MLXIPL: variants seen among roughly 807,000 people sequenced by gnomAD.
MLXIPL encodes MLX interacting protein like.
MLXIPL carries 49 observed loss-of-function variants against 81.5 expected under a neutral mutation model. The observed-to-expected ratio is 0.60, with a 90% confidence interval of 0.48 to 0.76. The LOEUF (loss-of-function observed/expected upper bound fraction) is 0.76. Among genes scored for constraint, MLXIPL ranks in the 30% least tolerant of loss-of-function variants. The pLI is 0.00. For synonymous variants in MLXIPL, 466 were observed against 485.5 expected (o/e 0.96, Z 0.53); for missense variants, 1,053 against 1,167.0 (o/e 0.90, Z 1.42).
At chr7:73,635,589 A>G in the MLXIPL span, among the ~76,000 whole-genome samples, 2 of 149,776 alleles carry the variant, frequency 1.3e-5, no homozygotes, top group African/African-American at 4.9e-5. Flanking sequence ...CCATCAGTCC[A>G]TCTCTTCTAT....
rs368160426 is a variant in MLXIPL, at chr7:73,596,331, C to G, written c.1938+33G>C. On this transcript the variant is annotated intron_variant, in intron 12 of 16. Coordinates refer to ENST00000313375, the MANE Select transcript of MLXIPL (RefSeq NM_032951.3). This position sits in a 1 kb window ranked among gnomAD's most constrained non-coding sequence, Gnocchi z 4.7. ...GGAGCCCAGGAGGGCCTGGGGGTAG[C>G]AAACCGATCTTGGGGTGGGGGATGG... 3.9e-5 allele frequency: 63 copies of G among 1,597,370 alleles called. No individual in the cohort carries two copies. Among genetic ancestry groups the G allele is most frequent in the Non-Finnish European group, 5.1e-5 (60 of 1,175,542 alleles).
chr7:73,631,558 C>CTTTTTTTTTTTTTT, the MLXIPL span, among the ~76,000 whole-genome samples: 76 of 69,668 alleles, frequency 1.1e-3, 11 homozygotes, highest in African/African-American at 2.9e-3. Context: ...GATGTTGCTA[C>CTTTTTTTTTTTTTT]TTTTTTTTTT....
At position 73,607,355 on chromosome 7, in the gene MLXIPL, C is replaced by T. The variant is rs782204923; in HGVS notation, c.549G>A (p.Lys183=). Residue 183 remains lysine (K), a synonymous_variant, in exon 4 of 17, where the codon AAG becomes AAA. Coordinates refer to ENST00000313375, the MANE Select transcript of MLXIPL (RefSeq NM_032951.3). ...CCCGCTTCTTGTAGTAGATGCGCCA[C>T]TTGTGGTATTCCCGCATCACCACCT... ...RIEVVMREYH[K]WRIYYKKRLR... is the part of the protein sequence containing the mutation. 5.1e-6 allele frequency: 8 copies of T among 1,567,240 alleles called. No individual in the cohort carries two copies. The East Asian group carries it at 9.4e-5, about 18-fold the overall frequency.
At chr7:73,605,343 G>C (rs1478784101) in intron 7 of MLXIPL, among the ~76,000 whole-genome samples, 1 of 152,018 alleles carries the variant, frequency 6.6e-6, no homozygotes, top group Non-Finnish European at 1.5e-5. Flanking sequence ...AGGATGGCTT[G>C]AGCTCAGGAG....
At chr7:73,637,760 C>T in the MLXIPL span, among the ~76,000 whole-genome samples, 1 of 152,172 alleles carries the variant, frequency 6.6e-6, no homozygotes, top group East Asian at 1.9e-4. Flanking sequence ...CTAGGCTGAG[C>T]TGGGGTGTGG....
chr7:73,633,887 G>C, the MLXIPL span, among the ~76,000 whole-genome samples: 7 of 152,220 alleles, frequency 4.6e-5, no homozygotes, highest in Admixed American at 2.0e-4. Context: ...ACTGTGGCTA[G>C]GGGTAGATTG....
chr7:73,607,936 A>G (rs1554598906), intron 2 of MLXIPL, among the ~76,000 whole-genome samples: 3 of 141,584 alleles, frequency 2.1e-5, no homozygotes, highest in South Asian at 4.4e-4. Context: ...GGCTCACTGC[A>G]ACCTCCACCT....
At chr7:73,601,949 T>C (rs1047814012) in intron 7 of MLXIPL, among the ~76,000 whole-genome samples, 1 of 152,102 alleles carries the variant, frequency 6.6e-6, no homozygotes, top group Admixed American at 6.6e-5. Flanking sequence ...CCTCTGGGTG[T>C]CTGTCGCTCC....
At chr7:73,607,080 C>T in intron 4 of MLXIPL, 62 bp from the exon 5 acceptor site, 2 of 1,583,678 alleles carry the variant, frequency 1.3e-6, no homozygotes, top group East Asian at 2.3e-5. Context: ...ACTTTCCCCC[C>T]AAAGTCTCCT....
At chr7:73,645,688 A>T in the MLXIPL span, among the ~76,000 whole-genome samples, 24 of 152,006 alleles carry the variant, frequency 1.6e-4, no homozygotes, top group Non-Finnish European at 2.6e-4. Context: ...AGCCCATTTA[A>T]CCCCAGGTTA....
upstream of MLXIPL, among the ~76,000 whole-genome samples, chr7:73,626,085 C>A (rs1055616815): frequency 1.3e-5 from 2 of 151,588 alleles, no homozygotes; most frequent in Non-Finnish European, 2.9e-5. Context: ...CTCACTGCAA[C>A]CTCTGCCTCC....
upstream of MLXIPL, among the ~76,000 whole-genome samples, chr7:73,625,645 C>T (rs1796698271): frequency 6.6e-6 from 1 of 151,920 alleles, no homozygotes; most frequent in South Asian, 2.1e-4. Flanking sequence ...CTTATAATCC[C>T]AGCTACTCGG....
rs782292149 is a variant in MLXIPL, at chr7:73,606,107, T to TC, written c.622dup (p.Glu208GlyfsTer65). 6.4e-7 allele frequency: 1 copy of TC among 1,574,666 alleles called. No homozygotes were observed. Among genetic ancestry groups the TC allele is most frequent in the Admixed American group, 1.9e-5 (1 of 53,960 alleles). ...TTGCTCCGGCGGCGGCCACCTGCCT[T>TC]CCGCCTAGGGAGACAGAGCCGTCAG... On this transcript the variant is annotated frameshift_variant, in exon 6 of 17. Coordinates refer to ENST00000313375, the MANE Select transcript of MLXIPL (RefSeq NM_032951.3). LOFTEE classifies it high-confidence loss of function.
chr7:73,632,017 T>A, the MLXIPL span, among the ~76,000 whole-genome samples: 64 of 150,878 alleles, frequency 4.2e-4, 1 homozygote, highest in South Asian at 0.012. Context: ...CCAGACAGGG[T>A]ATCCCTCAGT....
the MLXIPL span, among the ~76,000 whole-genome samples, chr7:73,632,153 A>T: frequency 1.3e-5 from 2 of 151,070 alleles, no homozygotes; most frequent in Non-Finnish European, 3.0e-5. Flanking sequence ...CTAATTTTTT[A>T]AATTTTTTTA....
intron 7 of MLXIPL, among the ~76,000 whole-genome samples, chr7:73,601,274 G>A (rs182612288): frequency 3.5e-4 from 53 of 151,346 alleles, no homozygotes; most frequent in Admixed American, 3.4e-3. Context: ...TGTTGCCCAG[G>A]CTGGTCTCAA....
upstream of MLXIPL, chr7:73,624,672 C>T (rs1796620877): frequency 3.3e-6 from 4 of 1,229,794 alleles, no homozygotes; most frequent in Admixed American, 7.9e-5. Flanking sequence ...GAACCCGGTG[C>T]TCTGGAGCTC....
At chr7:73,598,336 A>G (rs1159234728) in intron 8 of MLXIPL, among the ~76,000 whole-genome samples, 5 of 151,878 alleles carry the variant, frequency 3.3e-5, no homozygotes, top group Non-Finnish European at 7.4e-5. Context: ...CCAACCATCT[A>G]TACTTCCATC....
chr7:73,607,387 G>A lies in MLXIPL; in HGVS notation c.517C>T (p.Arg173Cys), dbSNP rs782049468. ...TATTCCCGCATCACCACCTCGATGC[G>A]CCGCTTCCAGTAGTTCCCCTCCAGG... ...VVLEGNYWKR[R>C]IEVVMREYHK... The change falls in exon 4 of 17, where the codon CGC becomes TGC. Residue 173 changes from arginine to cysteine, a missense_variant. By Grantham distance (180) the Arg-to-Cys change is radical. This residue lies in a region of MLXIPL where 823 missense variants were observed against 933.0 expected (regional missense o/e 0.88). Transcript: ENST00000313375. The A allele has an allele frequency of 1.3e-6, 2 of 1,562,808 alleles. No homozygotes were observed. Among genetic ancestry groups the A allele is most frequent in the Non-Finnish European group, 1.7e-6 (2 of 1,153,244 alleles).
Sources: allele counts gnomAD v4.1 joint callset (sites outside exome capture counted in the v4.1 genomes callset), GRCh38; gene constraint gnomAD v4.1.1; regional missense constraint gnomAD v4.1.1; non-coding constraint Gnocchi (gnomAD v3.1); transcripts MANE v1.5; gene names NCBI Gene and HGNC (gene_info 2026-07-23, HGNC 2026-07-21).